Variants in PRDM16 observed in about 807,000 individuals in gnomAD.
PRDM16 encodes histone-lysine N-methyltransferase PRDM16.
A neutral mutation model predicts 110.6 loss-of-function variants in PRDM16; 23 were observed. The observed-to-expected ratio is 0.21, with a 90% CI of 0.15 to 0.29. PRDM16 has a LOEUF of 0.29. PRDM16 is among the 10% of genes least tolerant of loss of function. The probability of loss-of-function intolerance (pLI) is 1.00; values close to 1 mark genes in which losing one functional copy is unlikely to be tolerated. For missense variants in PRDM16, 1,615 were observed against 1,794.3 expected (o/e 0.90, Z 1.81); for synonymous variants, 799 against 781.8 (o/e 1.02, Z -0.37).
chr1:3,369,034 T>C (rs1055341481), intron 3 of PRDM16, among the ~76,000 whole-genome samples: 1 of 152,232 alleles, frequency 6.6e-6, no homozygotes, highest in African/African-American at 2.4e-5. Flanking sequence ...ATTTTGATTC[T>C]ATTTCCTGGG....
At chr1:3,198,890 T>G (rs1355840001) in intron 2 of PRDM16, among the ~76,000 whole-genome samples, 2 of 152,162 alleles carry the variant, frequency 1.3e-5, no homozygotes, top group Non-Finnish European at 2.9e-5. Context: ...CCCATTTAGA[T>G]CTCTCTAAAG....
intron 3 of PRDM16, among the ~76,000 whole-genome samples, chr1:3,320,840 G>T (rs1641723255): frequency 6.6e-6 from 1 of 152,252 alleles, no homozygotes; most frequent in Non-Finnish European, 1.5e-5. Context: ...TGGGGCTCCA[G>T]CCAAGTCCTC....
intron 3 of PRDM16, among the ~76,000 whole-genome samples, chr1:3,247,500 C>T (rs1213293846): frequency 1.3e-5 from 2 of 152,190 alleles, no homozygotes; most frequent in African/African-American, 4.8e-5. Context: ...ACAGAGGTGC[C>T]TCCCGTTAGC....
chr1:3,146,092 A>G (rs1045520089), intron 1 of PRDM16, among the ~76,000 whole-genome samples: 1 of 151,632 alleles, frequency 6.6e-6, no homozygotes, highest in Non-Finnish European at 1.5e-5. Flanking sequence ...ATTTAGACAC[A>G]CCCCCACACA....
intron 1 of PRDM16, among the ~76,000 whole-genome samples, chr1:3,151,042 C>G (rs1016827904): frequency 1.3e-5 from 2 of 150,936 alleles, no homozygotes; most frequent in Non-Finnish European, 3.0e-5. Flanking sequence ...CTATGGAAGC[C>G]GGGGGCTGGT....
Position 3,246,197 on chromosome 1 carries a change from T to A in PRDM16, c.438+2060T>A, listed in dbSNP as rs1639786846. On this transcript the variant is annotated intron_variant, in intron 3 of 16. Transcript: ENST00000270722. This position sits in a 1 kb window ranked among gnomAD's most constrained non-coding sequence, Gnocchi z 5.2. ...GGTTTGCCTTTGTGTCTTATATGTGTGGCCATTAGGTCTCGCTCAGTGTGG... is the reference window on the plus strand; with the variant it reads ...GGTTTGCCTTTGTGTCTTATATGTGAGGCCATTAGGTCTCGCTCAGTGTGG... Among the ~76,000 whole-genome samples, 1 of 152,184 alleles carries A rather than the reference T, an allele frequency of 6.6e-6. No individual in the cohort carries two copies. The highest frequency in any genetic ancestry group is 2.1e-4 in the South Asian group (1 of 4,828).
At chr1:3,233,311 C>A (rs759894116) in intron 2 of PRDM16, among the ~76,000 whole-genome samples, 50 of 152,274 alleles carry the variant, frequency 3.3e-4, no homozygotes, top group Non-Finnish European at 5.7e-4. Context: ...AGCAGTGGAC[C>A]TGGGAGGGCA....
chr1:3,367,423 G>T (rs1034228102), intron 3 of PRDM16, among the ~76,000 whole-genome samples: 2 of 152,232 alleles, frequency 1.3e-5, no homozygotes, highest in African/African-American at 4.8e-5. Context: ...TCTGGCAGAG[G>T]AAAGTTGAAT....
chr1:3,404,999 A>T, intron 7 of PRDM16, 113 bp downstream of exon 7: 1 of 1,182,468 alleles, frequency 8.5e-7, no homozygotes, highest in Middle Eastern at 2.2e-4. Flanking sequence ...AGTGCGGCAG[A>T]GTGGGTAGGA....
rs186785981 is a variant in PRDM16 at position 3,435,411 on chromosome 1, C to T, written c.*1600C>T. ...CGATTTTTTATGTGCCAAATACCCC[C>T]GTCCCCCCCATGAATCCTGCTGTCC... On this transcript the variant is annotated 3_prime_UTR_variant, in exon 17 of 17. Coordinates refer to ENST00000270722, the MANE Select transcript of PRDM16 (RefSeq NM_022114.4). The T allele has an allele frequency of 2.2e-5, 5 of 230,950 alleles. No individual in the cohort carries two copies. The allele number at this position is 230,950 out of a possible 1,614,324, so 14.3% of individuals were successfully genotyped here.
chr1:3,430,364 A>G (rs1181340635), intron 14 of PRDM16, among the ~76,000 whole-genome samples: 4 of 152,200 alleles, frequency 2.6e-5, no homozygotes, highest in South Asian at 4.1e-4. Context: ...TGGTGCATTC[A>G]GACTGCTCAC....
chr1:3,086,591 G>A (rs1279149803), intron 1 of PRDM16, among the ~76,000 whole-genome samples: 1 of 152,142 alleles, frequency 6.6e-6, no homozygotes, highest in Non-Finnish European at 1.5e-5. Flanking sequence ...CTGTCTGGAA[G>A]CACAAGGGCT....
chr1:3,321,322 G>T (rs190683631), intron 3 of PRDM16, among the ~76,000 whole-genome samples: 3 of 152,182 alleles, frequency 2.0e-5, no homozygotes, highest in Non-Finnish European at 4.4e-5. Context: ...TTGTGTGTGG[G>T]TCCGTGTGTG....
intron 1 of PRDM16, among the ~76,000 whole-genome samples, chr1:3,097,023 A>G (rs1438852106): frequency 1.3e-5 from 2 of 149,334 alleles, no homozygotes; most frequent in South Asian, 2.3e-4. Flanking sequence ...TGCTGCAGCC[A>G]TGGGTGCATC....
At chr1:3,341,306 G>C (rs1570104216) in intron 3 of PRDM16, among the ~76,000 whole-genome samples, 1 of 152,312 alleles carries the variant, frequency 6.6e-6, no homozygotes, top group African/African-American at 2.4e-5. Context: ...GGAGTGACCA[G>C]GGCTCACCTG....
intron 3 of PRDM16, among the ~76,000 whole-genome samples, chr1:3,326,324 A>G (rs1179587021): frequency 6.6e-6 from 1 of 152,222 alleles, no homozygotes; most frequent in African/African-American, 2.4e-5. Flanking sequence ...TTCAGAGCCC[A>G]TCCTGATTCC....
intron 1 of PRDM16, among the ~76,000 whole-genome samples, chr1:3,135,924 A>C (rs980870703): frequency 1.3e-5 from 2 of 152,070 alleles, no homozygotes; most frequent in African/African-American, 4.8e-5. Context: ...AGAGCGGGGC[A>C]GGGGCCTCTT....
intron 8 of PRDM16, among the ~76,000 whole-genome samples, chr1:3,407,837 G>A (rs933741158): frequency 3.3e-5 from 5 of 152,212 alleles, no homozygotes; most frequent in Non-Finnish European, 5.9e-5. Context: ...GCCCTGCCCC[G>A]CCTCGGCGAC....
intron 1 of PRDM16, among the ~76,000 whole-genome samples, chr1:3,131,892 G>A (rs1643343137): frequency 6.6e-6 from 1 of 152,188 alleles, no homozygotes; most frequent in Admixed American, 6.5e-5. Flanking sequence ...CTGGGCCTAT[G>A]TCCTAGATAA....
Sources: allele counts gnomAD v4.1 joint callset (sites outside exome capture counted in the v4.1 genomes callset), GRCh38; gene constraint gnomAD v4.1.1; non-coding constraint Gnocchi (gnomAD v3.1); transcripts MANE v1.5; gene names NCBI Gene and HGNC (gene_info 2026-07-23, HGNC 2026-07-21).